The following TKFC variants were observed in gnomAD, a reference collection of about 807,000 sequenced individuals.
TKFC encodes triokinase and FMN cyclase, also known as triokinase/FMN cyclase.
In TKFC, 46 loss-of-function variants were observed where a neutral mutation model predicts 61.0. The observed-to-expected ratio is 0.75, with a 90% CI of 0.60 to 0.96. The LOEUF (loss-of-function observed/expected upper bound fraction) is 0.96, where lower values mean the gene tolerates loss of function less well. TKFC is among the 50% of genes least tolerant of loss of function. The pLI is 0.00. For missense variants in TKFC, 715 were observed against 777.5 expected (o/e 0.92, Z 0.96); for synonymous variants, 314 against 330.1 (o/e 0.95, Z 0.53).
In TKFC at chr11:61,348,032, G is replaced by C. The variant is rs1455696603; in HGVS notation, c.*1529G>C. ...GCCCAAATTTGGCTGCAGGCTCCCC[G>C]AGTGCCTGGGCTTCTCTACCCAGGG... On this transcript the variant is annotated 3_prime_UTR_variant, in exon 18 of 18. Coordinates refer to ENST00000394900, the MANE Select transcript of TKFC (RefSeq NM_015533.4). The C allele has an allele frequency of 1.0e-6, 1 of 985,384 alleles. No homozygotes were observed. Among genetic ancestry groups the C allele is most frequent in the African/African-American group, 1.7e-5 (1 of 57,308 alleles). The allele number at this position is 985,384 out of a possible 1,614,324, so 61.0% of individuals were successfully genotyped here.
downstream of TKFC, chr11:61,353,384 T>C: frequency 1.6e-6 from 1 of 607,102 alleles, no homozygotes; most frequent in Non-Finnish European, 2.9e-6. Context: ...CTTGTTTGTC[T>C]CTGGTTCCTT....
chr11:61,334,768 G>A, intron 2 of TKFC, 37 bp downstream of exon 2: 1 of 1,613,870 alleles, frequency 6.2e-7, no homozygotes. Context: ...ATGGCAGCAT[G>A]GTCTCAAAGC....
intron 11 of TKFC, 47 bp from the exon 12 acceptor site, chr11:61,343,809 C>A: frequency 6.3e-7 from 1 of 1,582,140 alleles, no homozygotes; most frequent in African/African-American, 1.3e-5. Flanking sequence ...CCTGCTGAAT[C>A]CCTGGCTGGA....
Position 61,347,316 on chromosome 11 carries a change from C to T in TKFC, c.*813C>T, listed in dbSNP as rs147906939. On this transcript the variant is annotated 3_prime_UTR_variant, in exon 18 of 18. Transcript: ENST00000394900. Reference sequence around the variant, plus strand: ...CAGCACTTTGGGAGGCCAAGGCAGGCGGATCCCTTACACTCAGGAGTTCAA... The same window carrying T: ...CAGCACTTTGGGAGGCCAAGGCAGGTGGATCCCTTACACTCAGGAGTTCAA... The T allele has an allele frequency of 4.2e-4, 406 of 968,418 alleles. 3 individuals carry two copies. In the African/African-American group the frequency reaches 6.5e-3, roughly 15 times the overall value. The allele number at this position is 968,418 out of a possible 1,614,324, so 60.0% of individuals were successfully genotyped here. A position where few individuals can be genotyped will look rare whatever the true frequency, so the allele number is the denominator to read the frequency against.
chr11:61,352,828 C>A (rs1188647738), downstream of TKFC: 2 of 1,463,112 alleles, frequency 1.4e-6, no homozygotes, highest in South Asian at 1.4e-5. Context: ...CCAATTTCAA[C>A]CTAAAGAAAG....
At position 61,348,446 on chromosome 11, in the gene TKFC, C is replaced by T. The variant is rs1857245187; in HGVS notation, c.*1943C>T. Reference sequence around the variant, plus strand: ...GAGGCTTTTACAAATTGGCCCAGAACTCATTTAACCACAGCATCATTTCAT... The same window carrying T: ...GAGGCTTTTACAAATTGGCCCAGAATTCATTTAACCACAGCATCATTTCAT... On this transcript the variant is annotated 3_prime_UTR_variant, in exon 18 of 18. Coordinates refer to ENST00000394900, the MANE Select transcript of TKFC (RefSeq NM_015533.4). 1.0e-6 allele frequency: 1 copy of T among 985,294 alleles called. No individual in the cohort carries two copies. The highest frequency in any genetic ancestry group is 4.7e-5 in the South Asian group (1 of 21,292). 61.0% of individuals were successfully genotyped at this position (985,294 alleles called of 1,614,324 possible). A position where few individuals can be genotyped will look rare whatever the true frequency, so the allele number is the denominator to read the frequency against.
intron 11 of TKFC, 32 bp downstream of exon 11, chr11:61,343,490 AG>A: frequency 6.3e-7 from 1 of 1,597,098 alleles, no homozygotes; most frequent in Non-Finnish European, 8.6e-7. Context: ...CACCCAAGCC[AG>A]GGCTCCTTGT....
intron 11 of TKFC, 145 bp downstream of exon 11, chr11:61,343,603 C>A: frequency 1.1e-6 from 1 of 881,808 alleles, no homozygotes; most frequent in Non-Finnish European, 1.7e-6. Context: ...CTTCTCCAGC[C>A]TTCTCCAGCT....
In TKFC at chr11:61,345,523, C is replaced by T. The variant is rs1433558501; in HGVS notation, c.1409C>T (p.Ala470Val). 4 of 1,613,236 alleles carry T rather than the reference C, an allele frequency of 2.5e-6. No individual in the cohort carries two copies. Among genetic ancestry groups the T allele is most frequent in the Non-Finnish European group, 3.4e-6 (4 of 1,180,044 alleles). The change falls in exon 15 of 18, where the codon GCC becomes GTC. Residue 470 changes from alanine (A) to valine (V), a missense_variant. Transcript: ENST00000394900. ...QPLKAKTSLP[A>V]WSAAMDAGLE... ...CTGAAGGCCAAGACCAGCCTCCCAG[C>T]CTGGTCTGCTGCCATGGATGCCGGC...
At chr11:61,350,937 C>CCTGGCCCTGTCCTGGCCAGGATCTT, downstream of TKFC, 2 of 1,546,870 alleles carry the variant, frequency 1.3e-6, no homozygotes, top group Non-Finnish European at 1.7e-6. Flanking sequence ...CGTGGGAGAT[C>CCTGGCCCTGTCCTGGCCAGGATCTT]CTTCTCTAGA....
rs1459598795 is a variant in TKFC at position 61,343,262 on chromosome 11, C to T, written c.866-80C>T. On this transcript the variant is annotated intron_variant, in intron 10 of 17. Transcript: ENST00000394900. The stretch of plus-strand genomic sequence containing the variant: ...CCTCCCGACCTCAGAGCCCCAGCTT[C>T]CAAGGTCCTTGCTTTTCTGTTGTTT... 9.6e-5 allele frequency: 131 copies of T among 1,360,330 alleles called. No homozygotes were observed. The East Asian group carries it at 2.9e-3, about 30-fold the overall frequency. The allele number at this position is 1,360,330 out of a possible 1,614,324, so 84.3% of individuals were successfully genotyped here.
At chr11:61,353,370 C>T, downstream of TKFC, 1 of 623,072 alleles carries the variant, frequency 1.6e-6, no homozygotes, top group Non-Finnish European at 2.8e-6. Flanking sequence ...GCAAACCCAA[C>T]CACCTTGTTT....
downstream of TKFC, chr11:61,349,643 G>T: frequency 1.4e-6 from 1 of 702,944 alleles, no homozygotes; most frequent in East Asian, 2.7e-5. Flanking sequence ...TGTAGCAGCA[G>T]CTGGAAGAGG....
rs1251837472 is a variant in TKFC at position 61,343,970 on chromosome 11, C to T, written c.1097C>T (p.Ala366Val). Residue 366 changes from alanine to valine, a missense_variant, in exon 12 of 18, where the codon GCA (alanine) becomes GTA (valine). Transcript: ENST00000394900. ...CAGGAGGCCCCTGATTCCACTGCTG[C>T]AGGAGGTACCAACCCCTGCCTTTGG... ...EPQEAPDSTA[A>V]GGSASKRMAL... 1 of 1,610,870 alleles carries T rather than the reference C, an allele frequency of 6.2e-7. No homozygotes were observed. Among genetic ancestry groups the T allele is most frequent in the Non-Finnish European group, 8.5e-7 (1 of 1,179,874 alleles).
intron 5 of TKFC, among the ~76,000 whole-genome samples, chr11:61,340,157 G>A (rs1322237940): frequency 3.3e-5 from 5 of 151,932 alleles, no homozygotes; most frequent in African/African-American, 4.8e-5. Context: ...ATTACAAGGC[G>A]CCTGCCACCA....
At position 61,346,561 on chromosome 11, in the gene TKFC, T is replaced by C; in HGVS notation, c.*58T>C. 7.2e-6 allele frequency: 11 copies of C among 1,525,958 alleles called. No homozygotes were observed. Among genetic ancestry groups the C allele is most frequent in the Non-Finnish European group, 9.7e-6 (11 of 1,139,100 alleles). 94.5% of individuals were successfully genotyped at this position (1,525,958 alleles called of 1,614,324 possible). On this transcript the variant is annotated 3_prime_UTR_variant, in exon 18 of 18. Transcript: ENST00000394900. The surrounding 1 kb of genome is among the most constrained non-coding windows in gnomAD (Gnocchi z 4.1). ...TCTCACTGCTGTGCTGAGGTGGCCT[T>C]TGTCACTTCCTTCTGCCTTCCAACC...
In TKFC at chr11:61,344,231, G is replaced by T; in HGVS notation, c.1198G>T (p.Gly400Cys). The T allele has an allele frequency of 6.2e-7, 1 of 1,612,876 alleles. No individual in the cohort carries two copies. The highest frequency in any genetic ancestry group is 8.5e-7 in the Non-Finnish European group (1 of 1,180,030). The part of the protein sequence containing the change: ...EHLNALDRAA[G>C]DGDCGTTHSR... ...CCTGAATGCCCTGGACCGGGCTGCT[G>T]GTGACGGCGACTGTGGCACCACCCA... The change falls in exon 13 of 18, where the codon GGT (glycine) becomes TGT (cysteine). Residue 400 changes from glycine to cysteine, a missense_variant. Gly to Cys is a radical substitution (Grantham distance 159, BLOSUM62 -3). Coordinates refer to ENST00000394900, the MANE Select transcript of TKFC (RefSeq NM_015533.4).
chr11:61,349,772 A>G (rs2135092427), downstream of TKFC: 2 of 647,102 alleles, frequency 3.1e-6, no homozygotes, highest in Non-Finnish European at 5.7e-6. Flanking sequence ...TTCTGCAATC[A>G]CCCCATGATG....
chr11:61,346,369 G>A lies in TKFC; in HGVS notation c.1594G>A (p.Glu532Lys), dbSNP rs200053750. 1.3e-4 allele frequency: 208 copies of A among 1,612,772 alleles called. 1 individual carries two copies. Among genetic ancestry groups the A allele is most frequent in the Non-Finnish European group, 1.6e-4 (187 of 1,179,988 alleles). The part of the protein sequence containing the change: ...KAVKSAEAAA[E>K]ATKNMEAGAG... ...CCCCCAGAGTGCCGAAGCTGCAGCCGAGGCCACCAAGAATATGGAAGCTGG... is the reference window on the plus strand; with the variant it reads ...CCCCCAGAGTGCCGAAGCTGCAGCCAAGGCCACCAAGAATATGGAAGCTGG... Residue 532 changes from glutamate (E) to lysine (K), a missense_variant, in exon 18 of 18, where the codon GAG becomes AAG. By Grantham distance (56) the Glu-to-Lys change is moderately conservative. Coordinates refer to ENST00000394900, the MANE Select transcript of TKFC (RefSeq NM_015533.4). The surrounding 1 kb of genome is among the most constrained non-coding windows in gnomAD (Gnocchi z 4.1).
Sources: allele counts gnomAD v4.1 joint callset (sites outside exome capture counted in the v4.1 genomes callset), GRCh38; gene constraint gnomAD v4.1.1; non-coding constraint Gnocchi (gnomAD v3.1); transcripts MANE v1.5; gene names NCBI Gene and HGNC (gene_info 2026-07-23, HGNC 2026-07-21).